PGA5: variants seen among roughly 807,000 people sequenced by gnomAD.
PGA5 encodes the protein pepsin A-5.
Under a neutral mutation model 15.9 loss-of-function variants are expected in PGA5, and 19 were observed. The ratio of observed to expected loss-of-function variants is 1.19; its 90% CI spans 0.83 to 1.75. PGA5 has a LOEUF of 1.75. Ranked by LOEUF, PGA5 falls within the 40% of genes most tolerant of loss-of-function variation. The pLI, the probability that PGA5 is intolerant of heterozygous loss-of-function variation, is 0.00. For missense variants in PGA5, 224 were observed against 246.4 expected, an observed-to-expected ratio of 0.91 and a Z score of 0.61; for synonymous variants, 92 against 95.8, an observed-to-expected ratio of 0.96 and a Z score of 0.23.
In PGA5 at chr11:61,248,555, G is replaced by T. The variant is rs1321996789; in HGVS notation, c.773+20G>T. 1 of 1,611,136 alleles carries T rather than the reference G, an allele frequency of 6.2e-7. No homozygotes were observed. The highest frequency in any genetic ancestry group is 8.5e-7 in the Non-Finnish European group (1 of 1,179,282). Reference sequence around the variant, plus strand: ...GGACAGGTGAGACTGCCATGAACGGGCAGCATCCAGGCCTGGGCCCCAGAT... The same window carrying T: ...GGACAGGTGAGACTGCCATGAACGGTCAGCATCCAGGCCTGGGCCCCAGAT... On this transcript the variant is annotated intron_variant, in intron 6 of 8. Coordinates refer to ENST00000312403, the MANE Select transcript of PGA5 (RefSeq NM_014224.5).
chr11:61,248,188 G>C (rs1483924883), intron 5 of PGA5: 2 of 960,876 alleles, frequency 2.1e-6, no homozygotes, highest in South Asian at 2.6e-5. Flanking sequence ...TGTGACCTTG[G>C]GCAGGTGGCC....
rs567822937 is a variant in PGA5, at chr11:61,247,585, T to C, written c.657-834T>C. Among the ~76,000 whole-genome samples the C allele has an allele frequency of 3.9e-5, 6 of 152,146 alleles. No individual in the cohort carries two copies. The East Asian group carries it at 5.8e-4, about 15-fold the overall frequency. ...AGCCACCACGCCCAGCCCCGGATAA[T>C]TAATTTCTTATTGCCGTCTACATTT... is the stretch of plus-strand genomic sequence containing the variant. On this transcript the variant is annotated intron_variant, in intron 5 of 8. Transcript: ENST00000312403.
In PGA5 at chr11:61,248,422, T is replaced by G; in HGVS notation, c.660T>G (p.Asp220Glu). ...CTTCTCCCCTCACTTTCCACAGCGA[T>G]GACAAGAGTGGCAGCGTGGTGATCT... ...QDLFSVYLSA[D>E]DKSGSVVIFG... Residue 220 changes from aspartate to glutamate, a missense_variant, in exon 6 of 9, where the codon GAT becomes GAG. By Grantham distance (45) the Asp-to-Glu change is conservative. Transcript: ENST00000312403. The G allele has an allele frequency of 6.2e-7, 1 of 1,613,818 alleles. No individual in the cohort carries two copies. The highest frequency in any genetic ancestry group is 8.5e-7 in the Non-Finnish European group (1 of 1,179,856).
intron 8 of PGA5, among the ~76,000 whole-genome samples, chr11:61,250,351 C>CA (rs1854123405): frequency 1.3e-5 from 2 of 151,410 alleles, no homozygotes; most frequent in East Asian, 3.9e-4. Flanking sequence ...TTTTCGCATC[C>CA]AAAAGGTAGA....
chr11:61,249,827 C>G lies in PGA5; in HGVS notation c.918+14C>G. 5 of 1,613,672 alleles carry G rather than the reference C, an allele frequency of 3.1e-6. No homozygotes were observed. Among genetic ancestry groups the G allele is most frequent in the Non-Finnish European group, 3.4e-6 (4 of 1,179,870 alleles). On this transcript the variant is annotated intron_variant, in intron 7 of 8. Coordinates refer to ENST00000312403, the MANE Select transcript of PGA5 (RefSeq NM_014224.5). Reference sequence around the variant, plus strand: ...TCAGATGGCGACGTGAGTCCAGCCCCGACTGCCCTGTTCTACACTCAAGTA... The same window carrying G: ...TCAGATGGCGACGTGAGTCCAGCCCGGACTGCCCTGTTCTACACTCAAGTA...
chr11:61,248,881 G>A (rs1289332876), intron 6 of PGA5, among the ~76,000 whole-genome samples: 1 of 152,120 alleles, frequency 6.6e-6, no homozygotes, highest in Admixed American at 6.5e-5. Flanking sequence ...ACAAGCACAC[G>A]CTCCTGCCAC....
rs773717549 is a variant in PGA5 at position 61,251,085 on chromosome 11, C to T, written c.1018-47C>T. On this transcript the variant is annotated intron_variant, in intron 8 of 8. Transcript: ENST00000312403. Reference sequence around the variant, plus strand: ...GATGTTTATCACCCAGCGCCTATCACGGCTGAATCGGTGTCCCAGCTCCAC... The same window carrying T: ...GATGTTTATCACCCAGCGCCTATCATGGCTGAATCGGTGTCCCAGCTCCAC... 3.8e-5 allele frequency: 61 copies of T among 1,611,650 alleles called. 1 individual carries two copies. The highest frequency in any genetic ancestry group is 2.0e-4 in the African/African-American group (15 of 74,654).
chr11:61,251,029 A>T, intron 8 of PGA5, 103 bp from the exon 9 acceptor site: 1 of 1,606,678 alleles, frequency 6.2e-7, no homozygotes, highest in Admixed American at 1.7e-5. Context: ...TCCTCCTTGC[A>T]CGTGCCTTAC....
At chr11:61,249,631 T>C in intron 6 of PGA5, 38 bp from the exon 7 acceptor site, 1 of 1,613,594 alleles carries the variant, frequency 6.2e-7, no homozygotes. Flanking sequence ...GATGAACCCC[T>C]GAGGGCTCAG....
intron 6 of PGA5, 195 bp from the exon 7 acceptor site, chr11:61,249,474 G>A: frequency 9.0e-7 from 1 of 1,106,940 alleles, no homozygotes; most frequent in East Asian, 2.6e-5. Context: ...ATGCCTGGCA[G>A]AGGGTAGGCA....
In PGA5 at chr11:61,251,258, G is replaced by T. The variant is rs750108141; in HGVS notation, c.1144G>T (p.Val382Phe). ...FTVFDRANNQVGLAPVA is the reference protein window; with the variant it reads ...FTVFDRANNQFGLAPVA ...CGTCTTCGACAGGGCAAACAACCAG[G>T]TCGGCCTGGCCCCTGTGGCTTAAGC... is the stretch of plus-strand genomic sequence containing the variant. The change falls in exon 9 of 9, where the codon GTC (valine) becomes TTC (phenylalanine). Residue 382 changes from valine (V) to phenylalanine (F), a missense_variant. Transcript: ENST00000312403. 6.2e-7 allele frequency: 1 copy of T among 1,611,840 alleles called. No homozygotes were observed. The highest frequency in any genetic ancestry group is 1.7e-5 in the Admixed American group (1 of 60,016).
intron 6 of PGA5, chr11:61,249,450 G>A (rs539701854): frequency 1.3e-4 from 113 of 889,408 alleles, no homozygotes; most frequent in African/African-American, 5.1e-4. Context: ...GTCTTGTTTC[G>A]CTTGGCGTTT....
At chr11:61,250,933 G>A (rs565590868) in intron 8 of PGA5, among the ~76,000 whole-genome samples, 199 bp from the exon 9 acceptor site, 3 of 151,744 alleles carry the variant, frequency 2.0e-5, no homozygotes, top group East Asian at 1.9e-4. Flanking sequence ...CCAGTAATGC[G>A]TAGAAACCAG....
chr11:61,249,877 G>T (rs566575252), intron 7 of PGA5, 39 bp from the exon 8 acceptor site: 1 of 1,611,290 alleles, frequency 6.2e-7, no homozygotes. Flanking sequence ...CAGAAGCGAC[G>T]AAAACCCTTC....
chr11:61,251,113 TTA>T lies in PGA5; in HGVS notation c.1018-17_1018-16del. On this transcript the variant is annotated splice_polypyrimidine_tract_variant and intron_variant, in intron 8 of 8. Coordinates refer to ENST00000312403, the MANE Select transcript of PGA5 (RefSeq NM_014224.5). The stretch of plus-strand genomic sequence containing the variant: ...CTGAATCGGTGTCCCAGCTCCACTT[TTA>T]TTCTCCTTTTCTCCAGAGCGAGGGG... 1 of 1,611,812 alleles carries T rather than the reference TTA, an allele frequency of 6.2e-7. No homozygotes were observed. The highest frequency in any genetic ancestry group is 8.5e-7 in the Non-Finnish European group (1 of 1,179,856).
At chr11:61,249,844 A>G in intron 7 of PGA5, 31 bp downstream of exon 7, 5 of 1,613,628 alleles carry the variant, frequency 3.1e-6, no homozygotes, top group Non-Finnish European at 4.2e-6. Context: ...CCTGTTCTAC[A>G]CTCAAGTAGT....
chr11:61,248,744 T>C (rs575104843), intron 6 of PGA5, among the ~76,000 whole-genome samples: 5 of 152,150 alleles, frequency 3.3e-5, no homozygotes, highest in African/African-American at 4.8e-5. Flanking sequence ...TCTGGGAAGC[T>C]GAGACTCTGC....
At chr11:61,250,994 A>G (rs371134377) in intron 8 of PGA5, 138 bp from the exon 9 acceptor site, 24,536 of 1,474,220 alleles carry the variant, frequency 0.017, 583 homozygotes, top group African/African-American at 0.05. Context: ...GAACAGCCGA[A>G]TCCCTGGACA....
rs189684169 is a variant in PGA5, at chr11:61,246,447, A to G, written c.656+302A>G. On this transcript the variant is annotated intron_variant, in intron 5 of 8. Transcript: ENST00000312403. ...CCACTTCCCTCACCCTTGGCCCCCAAAGATACCATTTAAAGTGAATACAGT... is the reference window on the plus strand; with the variant it reads ...CCACTTCCCTCACCCTTGGCCCCCAGAGATACCATTTAAAGTGAATACAGT... Among the ~76,000 whole-genome samples the G allele has an allele frequency of 1.2e-4, 18 of 151,918 alleles. No individual in the cohort carries two copies. In the East Asian group the frequency reaches 3.5e-3, roughly 29 times the overall value.
Sources: allele counts gnomAD v4.1 joint callset (sites outside exome capture counted in the v4.1 genomes callset), GRCh38; gene constraint gnomAD v4.1.1; transcripts MANE v1.5; gene names NCBI Gene and HGNC (gene_info 2026-07-23, HGNC 2026-07-21).